The following ME3 variants were observed in gnomAD, a reference collection of about 807,000 sequenced individuals.
The protein encoded by ME3 is malic enzyme 3, also known as NADP-dependent malic enzyme, mitochondrial.
A neutral mutation model predicts 68.9 loss-of-function variants in ME3; 48 were observed. The ratio of observed to expected loss-of-function variants is 0.70; its 90% CI spans 0.55 to 0.89. The LOEUF (loss-of-function observed/expected upper bound fraction) is 0.89, where lower values mean the gene tolerates loss of function less well. ME3 is among the 40% of genes least tolerant of loss of function. The probability of loss-of-function intolerance (pLI) is 0.00; values close to 1 mark genes in which losing one functional copy is unlikely to be tolerated. For synonymous variants in ME3, 320 were observed against 318.8 expected, an observed-to-expected ratio of 1.00 and a Z score of -0.04; for missense variants, 675 against 797.4, an observed-to-expected ratio of 0.85 and a Z score of 1.85.
At chr11:86,653,358 C>T (rs944508725) in intron 2 of ME3, among the ~76,000 whole-genome samples, 7 of 152,196 alleles carry the variant, frequency 4.6e-5, no homozygotes, top group African/African-American at 1.4e-4. Context: ...AAGCACTCCT[C>T]AGCAAATGTA....
At chr11:86,606,643 C>A (rs989995154) in intron 2 of ME3, among the ~76,000 whole-genome samples, 3 of 152,132 alleles carry the variant, frequency 2.0e-5, no homozygotes, top group African/African-American at 7.2e-5. Flanking sequence ...CTTACATGGG[C>A]ATAATGGGAA....
At chr11:86,581,300 T>C (rs950358484) in intron 2 of ME3, among the ~76,000 whole-genome samples, 3 of 152,152 alleles carry the variant, frequency 2.0e-5, no homozygotes, top group African/African-American at 7.2e-5. Flanking sequence ...CTTTTAACGA[T>C]AGGTTGTGAT....
In ME3 at chr11:86,595,419, T is replaced by C. The variant is rs1277352496; in HGVS notation, c.184-35596A>G. 4.1e-5 allele frequency among the ~76,000 whole-genome samples: 5 copies of C among 121,846 alleles called. 1 individual carries two copies. In the East Asian group the frequency reaches 2.1e-3, roughly 52 times the overall value. The allele number at this position is 121,846 out of a possible 152,430, so 79.9% of individuals were successfully genotyped here. ...AGGTAAATACTAGCATTATCTCCATTTGACAGATGAAGAGACTGAAGCTTA... is the reference window on the plus strand; with the variant it reads ...AGGTAAATACTAGCATTATCTCCATCTGACAGATGAAGAGACTGAAGCTTA... On this transcript the variant is annotated intron_variant, in intron 2 of 14. Transcript: ENST00000543262.
intron 4 of ME3, among the ~76,000 whole-genome samples, chr11:86,548,363 C>T (rs1009170669): frequency 1.3e-5 from 2 of 152,290 alleles, no homozygotes; most frequent in South Asian, 2.1e-4. Context: ...ACATTCATGT[C>T]AAATAACAGC....
chr11:86,596,791 C>T (rs1959549030), intron 2 of ME3, among the ~76,000 whole-genome samples: 1 of 152,218 alleles, frequency 6.6e-6, no homozygotes, highest in African/African-American at 2.4e-5. Context: ...ATGTGTAACT[C>T]ATTATATCAC....
intron 2 of ME3, among the ~76,000 whole-genome samples, chr11:86,594,528 A>G (rs1959185250): frequency 6.9e-6 from 1 of 145,084 alleles, no homozygotes; most frequent in African/African-American, 2.5e-5. Flanking sequence ...CCATCTCTAC[A>G]AAATAATAAT....
chr11:86,450,859 G>C (rs1311862746), intron 8 of ME3, among the ~76,000 whole-genome samples: 2 of 152,190 alleles, frequency 1.3e-5, no homozygotes, highest in East Asian at 3.9e-4. Context: ...GCTGTGTCTG[G>C]TCGCACACCA....
At chr11:86,638,380 G>A (rs1944472354) in intron 2 of ME3, among the ~76,000 whole-genome samples, 1 of 152,034 alleles carries the variant, frequency 6.6e-6, no homozygotes, top group Non-Finnish European at 1.5e-5. Flanking sequence ...AGCAATTACA[G>A]CCACAGGAAA....
chr11:86,537,807 T>A (rs1955782824), intron 4 of ME3, among the ~76,000 whole-genome samples: 1 of 152,046 alleles, frequency 6.6e-6, no homozygotes, highest in African/African-American at 2.4e-5. Context: ...TTGGCTAGAG[T>A]GCTCCACAAG....
intron 4 of ME3, among the ~76,000 whole-genome samples, chr11:86,555,313 A>T (rs756428707): frequency 6.6e-6 from 1 of 152,180 alleles, no homozygotes; most frequent in Non-Finnish European, 1.5e-5. Context: ...AGAAAGGATC[A>T]TTTCTGAGAA....
chr11:86,558,686 ATCT>A (rs1372061283), intron 3 of ME3, among the ~76,000 whole-genome samples: 2 of 152,138 alleles, frequency 1.3e-5, no homozygotes, highest in African/African-American at 2.4e-5. Context: ...GGGATTCCTT[ATCT>A]TCTTCCTACA....
intron 8 of ME3, among the ~76,000 whole-genome samples, chr11:86,456,497 TGTCA>T (rs1295903292): frequency 2.0e-5 from 3 of 152,178 alleles, no homozygotes; most frequent in African/African-American, 7.2e-5. Context: ...GGCTTGGCCC[TGTCA>T]GTCACCCAAA....
At chr11:86,556,795 C>T in intron 3 of ME3, 93 bp from the exon 4 acceptor site, 2 of 1,397,578 alleles carry the variant, frequency 1.4e-6, no homozygotes, top group Non-Finnish European at 2.0e-6. Context: ...GCTCCTGTTC[C>T]TGCTCAGCCC....
intron 2 of ME3, among the ~76,000 whole-genome samples, chr11:86,599,941 G>A (rs1199381802): frequency 6.6e-6 from 1 of 152,140 alleles, no homozygotes; most frequent in African/African-American, 2.4e-5. Context: ...AAGAGCTCCT[G>A]AAGGAAGCAC....
chr11:86,628,857 AG>A (rs1565237089), intron 2 of ME3, among the ~76,000 whole-genome samples: 1 of 152,234 alleles, frequency 6.6e-6, no homozygotes, highest in African/African-American at 2.4e-5. Flanking sequence ...AAAGTCTATG[AG>A]GAAGGAGAAA....
At chr11:86,489,980 A>C (rs1234165097) in intron 6 of ME3, among the ~76,000 whole-genome samples, 2 of 152,168 alleles carry the variant, frequency 1.3e-5, no homozygotes, top group Admixed American at 1.3e-4. Context: ...TAAGTGCAGG[A>C]GTCAGGATTC....
At chr11:86,483,669 A>T (rs1787153001) in intron 7 of ME3, among the ~76,000 whole-genome samples, 1 of 152,230 alleles carries the variant, frequency 6.6e-6, no homozygotes, top group Admixed American at 6.5e-5. Flanking sequence ...TAACACTCTC[A>T]TCTAAGCAGC....
chr11:86,496,439 T>C (rs1447193611), intron 6 of ME3, among the ~76,000 whole-genome samples: 3 of 148,550 alleles, frequency 2.0e-5, no homozygotes, highest in Admixed American at 6.7e-5. Context: ...AGAAAAGAAA[T>C]GGGGATGCAT....
At chr11:86,513,524 A>C (rs1398795189) in intron 4 of ME3, among the ~76,000 whole-genome samples, 1 of 152,206 alleles carries the variant, frequency 6.6e-6, no homozygotes, top group Non-Finnish European at 1.5e-5. Context: ...GGTCCACCTG[A>C]ACCAGGATCC....
Sources: allele counts gnomAD v4.1 joint callset (sites outside exome capture counted in the v4.1 genomes callset), GRCh38; gene constraint gnomAD v4.1.1; transcripts MANE v1.5; gene names NCBI Gene and HGNC (gene_info 2026-07-23, HGNC 2026-07-21).